Variants in LOXL3 observed in about 807,000 individuals in gnomAD.
The protein encoded by LOXL3 is lysyl oxidase like 3.
In LOXL3, 60 loss-of-function variants were observed where a neutral mutation model predicts 91.8. The observed-to-expected ratio is 0.65, with a 90% CI of 0.53 to 0.81. The LOEUF (loss-of-function observed/expected upper bound fraction) is 0.81, where lower values mean the gene tolerates loss of function less well. Ranked by LOEUF, LOXL3 falls within the 30% of genes least tolerant of loss-of-function variation. The pLI, the probability that LOXL3 is intolerant of heterozygous loss-of-function variation, is 0.00. For missense variants in LOXL3, 874 were observed against 1,000.4 expected, an observed-to-expected ratio of 0.87 and a Z score of 1.70; for synonymous variants, 355 against 387.6, an observed-to-expected ratio of 0.92 and a Z score of 0.99.
Position 74,549,890 on chromosome 2 carries a change from G to A in LOXL3, c.477+295C>T. 1.0e-6 allele frequency: 1 copy of A among 985,486 alleles called. No homozygotes were observed. The highest frequency in any genetic ancestry group is 1.2e-6 in the Non-Finnish European group (1 of 829,950). 61.0% of individuals were successfully genotyped at this position (985,486 alleles called of 1,614,324 possible). A position where few individuals can be genotyped will look rare whatever the true frequency, so the allele number is the denominator to read the frequency against. On this transcript the variant is annotated intron_variant, in intron 3 of 13. Transcript: ENST00000264094. This position sits in a 1 kb window ranked among gnomAD's most constrained non-coding sequence, Gnocchi z 5.3. ...GCTTTGAAGGAGGAGAAAGTCAGAA[G>A]GAAGATGTCTCAGGAAAGCAGGAAC...
intron 4 of LOXL3, among the ~76,000 whole-genome samples, chr2:74,543,369 G>A (rs375119857): frequency 8.3e-4 from 126 of 152,058 alleles, no homozygotes; most frequent in Non-Finnish European, 8.2e-4. Context: ...CCTTCTTGAT[G>A]TTTCTAGGTA....
In LOXL3 at chr2:74,536,301, G is replaced by A; in HGVS notation, c.1083C>T (p.Arg361=). 1.2e-6 allele frequency: 2 copies of A among 1,613,642 alleles called. No individual in the cohort carries two copies. The highest frequency in any genetic ancestry group is 8.5e-7 in the Non-Finnish European group (1 of 1,179,956). ...TCCATGCCACCTCACCCTGCCCCATGCGAGCGCCACTCAGAGCTTCTCGAG... is the reference window on the plus strand; with the variant it reads ...TCCATGCCACCTCACCCTGCCCCATACGAGCGCCACTCAGAGCTTCTCGAG... ...GSAREALSGA[R]MGQGMGAIHL... The change falls in exon 6 of 14, where the codon CGC becomes CGT. Residue 361 remains arginine (R), a synonymous_variant. Coordinates refer to ENST00000264094, the MANE Select transcript of LOXL3 (RefSeq NM_032603.5). The surrounding 1 kb of genome is among the most constrained non-coding windows in gnomAD (Gnocchi z 4.5).
In LOXL3 at chr2:74,535,190, T is replaced by A; in HGVS notation, c.1579+102A>T. On this transcript the variant is annotated intron_variant, in intron 9 of 13. Transcript: ENST00000264094. This position sits in a 1 kb window ranked among gnomAD's most constrained non-coding sequence, Gnocchi z 4.2. Reference sequence around the variant, plus strand: ...CTGCACCCGGCGAAACTGGCTCTTTTATGGGGAAGAAGTGCCCCTCCAGAT... The same window carrying A: ...CTGCACCCGGCGAAACTGGCTCTTTAATGGGGAAGAAGTGCCCCTCCAGAT... The A allele has an allele frequency of 7.3e-7, 1 of 1,369,250 alleles. No homozygotes were observed. The highest frequency in any genetic ancestry group is 9.9e-7 in the Non-Finnish European group (1 of 1,012,236). 84.8% of individuals were successfully genotyped at this position (1,369,250 alleles called of 1,614,324 possible).
rs1363668149 is a variant in LOXL3 at position 74,534,196 on chromosome 2, T to C, written c.1980A>G (p.Gln660=). The C allele has an allele frequency of 6.2e-7, 1 of 1,614,154 alleles. No homozygotes were observed. The highest frequency in any genetic ancestry group is 1.1e-5 in the South Asian group (1 of 91,080). ...GATCCCAGCAACCCACAGTGATGCC[T>C]TGCTCTCCAAAGTTGGCACACTCAT... ...KRYECANFGE[Q]GITVGCWDLY... The change falls in exon 12 of 14, where the codon CAA becomes CAG. Residue 660 remains glutamine, a synonymous_variant. Coordinates refer to ENST00000264094, the MANE Select transcript of LOXL3 (RefSeq NM_032603.5).
intron 4 of LOXL3, chr2:74,539,993 G>C (rs1312644708): frequency 6.6e-6 from 1 of 152,562 alleles, no homozygotes; most frequent in Non-Finnish European, 1.5e-5. Flanking sequence ...ACACTCCTGA[G>C]ACCCGAGCTT....
rs867470358 is a variant in LOXL3, at chr2:74,536,085, G to T, written c.1159C>A (p.Pro387Thr). The T allele has an allele frequency of 6.2e-7, 1 of 1,613,658 alleles. No individual in the cohort carries two copies. Among genetic ancestry groups the T allele is most frequent in the South Asian group, 1.1e-5 (1 of 91,052 alleles). ...SGQELSLWKC[P>T]HKNITAEDCS... ...TCCTCAGCTGTGATGTTCTTGTGGG[G>T]GCACTTCCAGAGGGAGAGCTCCTGT... The change falls in exon 7 of 14, where the codon CCC becomes ACC. Residue 387 changes from proline to threonine, a missense_variant. Physicochemically the swap from Pro to Thr is conservative, Grantham distance 38. Coordinates refer to ENST00000264094, the MANE Select transcript of LOXL3 (RefSeq NM_032603.5). This position sits in a 1 kb window ranked among gnomAD's most constrained non-coding sequence, Gnocchi z 4.5.
chr2:74,551,067 G>A (rs2104448541), intron 2 of LOXL3, among the ~76,000 whole-genome samples: 1 of 152,216 alleles, frequency 6.6e-6, no homozygotes. Context: ...CAAGTAGCTG[G>A]GGCTACAAGC....
intron 4 of LOXL3, among the ~76,000 whole-genome samples, chr2:74,537,450 ACT>A (rs1676094300): frequency 6.6e-6 from 1 of 152,170 alleles, no homozygotes; most frequent in South Asian, 2.1e-4. Context: ...GAGGCCAGAG[ACT>A]CTGCAGGACA....
chr2:74,543,734 T>A (rs147268076), intron 4 of LOXL3, among the ~76,000 whole-genome samples: 17 of 150,766 alleles, frequency 1.1e-4, no homozygotes, highest in Non-Finnish European at 2.1e-4. Flanking sequence ...TTACTAAAAA[T>A]ACCCAAAAAT....
upstream of LOXL3, chr2:74,554,922 A>G (rs1360521366): frequency 6.5e-7 from 1 of 1,541,548 alleles, no homozygotes; most frequent in African/African-American, 1.4e-5. This position sits in a 1 kb window ranked among gnomAD's most constrained non-coding sequence, Gnocchi z 4.9. Flanking sequence ...CGGGAGTTGG[A>G]GAGCCTGTGA....
In LOXL3 at chr2:74,546,734, G is replaced by C. The variant is rs113244071; in HGVS notation, c.692+2635C>G. ...ATTTATTTTTATTTTATTTTTATTT[G>C]AGACGGAGTTTCGCTCTTGTTGCCC... On this transcript the variant is annotated intron_variant, in intron 4 of 13. Coordinates refer to ENST00000264094, the MANE Select transcript of LOXL3 (RefSeq NM_032603.5). Among the ~76,000 whole-genome samples the C allele has an allele frequency of 3.4e-3, 510 of 152,000 alleles. 3 individuals carry two copies. The highest frequency in any genetic ancestry group is 0.011 in the African/African-American group (467 of 41,446).
chr2:74,541,576 C>A (rs1676324086), intron 4 of LOXL3, among the ~76,000 whole-genome samples: 2 of 152,138 alleles, frequency 1.3e-5, no homozygotes, highest in African/African-American at 4.8e-5. Context: ...GAAATTTTTT[C>A]TCCAAATGTC....
intron 1 of LOXL3, 61 bp from the exon 2 acceptor site, chr2:74,552,707 G>C: frequency 7.3e-7 from 1 of 1,368,282 alleles, no homozygotes; most frequent in Non-Finnish European, 9.7e-7. Context: ...CCCAGAGTCA[G>C]AAAGAGAGGG....
chr2:74,543,906 A>C (rs1248500005), intron 4 of LOXL3, among the ~76,000 whole-genome samples: 2 of 150,198 alleles, frequency 1.3e-5, no homozygotes, highest in Non-Finnish European at 3.0e-5. Context: ...GTCTCAAAAA[A>C]AAAAAAAAAA....
Position 74,535,284 on chromosome 2 carries a change from T to C in LOXL3, c.1579+8A>G. The C allele has an allele frequency of 6.2e-7, 1 of 1,606,610 alleles. No individual in the cohort carries two copies. ...TCCCTGGCATGCATCACCCCCTCCTTCACTCACTCTCAGAACAGATGACTC... is the reference window on the plus strand; with the variant it reads ...TCCCTGGCATGCATCACCCCCTCCTCCACTCACTCTCAGAACAGATGACTC... On this transcript the variant is annotated splice_region_variant and intron_variant, in intron 9 of 13. Transcript: ENST00000264094. This position sits in a 1 kb window ranked among gnomAD's most constrained non-coding sequence, Gnocchi z 4.2.
chr2:74,537,048 C>G (rs753299783), intron 4 of LOXL3, 120 bp from the exon 5 acceptor site: 14 of 741,942 alleles, frequency 1.9e-5, no homozygotes, highest in Non-Finnish European at 3.1e-5. Context: ...CCATTTATCT[C>G]CTCTTCTTCC....
At chr2:74,541,048 T>C (rs757724953) in intron 4 of LOXL3, among the ~76,000 whole-genome samples, 2 of 152,248 alleles carry the variant, frequency 1.3e-5, no homozygotes, top group Admixed American at 6.5e-5. Flanking sequence ...TGGCCTTCCA[T>C]ATCCATGGGC....
At position 74,533,589 on chromosome 2, in the gene LOXL3, G is replaced by C. The variant is rs376979167; in HGVS notation, c.*17C>G. 9.2e-5 allele frequency: 149 copies of C among 1,612,632 alleles called. No homozygotes were observed. Among genetic ancestry groups the C allele is most frequent in the Non-Finnish European group, 1.1e-4 (131 of 1,178,892 alleles). On this transcript the variant is annotated 3_prime_UTR_variant, in exon 14 of 14. Coordinates refer to ENST00000264094, the MANE Select transcript of LOXL3 (RefSeq NM_032603.5). ...TGCCATTAGGGGCCAGTGGTGGTTT[G>C]CAGAGGGCAGTGGCACTTAGATAAT...
At chr2:74,541,042 C>T (rs1185870076) in intron 4 of LOXL3, among the ~76,000 whole-genome samples, 1 of 152,214 alleles carries the variant, frequency 6.6e-6, no homozygotes. Context: ...TACAGCTGGC[C>T]TTCCATATCC....
Sources: gnomAD v4.1 joint callset for allele counts (sites outside exome capture counted in the v4.1 genomes callset) on GRCh38, gnomAD v4.1.1 for gene constraint, Gnocchi (gnomAD v3.1) non-coding constraint, MANE v1.5 for transcripts, NCBI Gene and HGNC (gene_info 2026-07-23, HGNC 2026-07-21) for gene names.